Variants in KIRREL3 observed in about 807,000 individuals in gnomAD.
KIRREL3 encodes the protein kirre like nephrin family adhesion molecule 3, also known as kin of IRRE-like protein 3.
A neutral mutation model predicts 89.7 loss-of-function variants in KIRREL3; 36 were observed. That is an observed-to-expected ratio of 0.40 (90% CI 0.31 to 0.53). The LOEUF (loss-of-function observed/expected upper bound fraction) is 0.53, where lower values mean the gene tolerates loss of function less well. KIRREL3 is among the 20% of genes least tolerant of loss of function. The probability of loss-of-function intolerance (pLI) is 0.49; values close to 1 mark genes in which losing one functional copy is unlikely to be tolerated. For missense variants in KIRREL3, 864 were observed against 1,056.6 expected (o/e 0.82, Z 2.53); for synonymous variants, 445 against 441.4 (o/e 1.01, Z -0.10).
At position 126,525,393 on chromosome 11, in the gene KIRREL3, T is replaced by C. The variant is rs1958719404; in HGVS notation, c.283+1145A>G. ...TGGTTCCCATAACAGTTAAACTTTA[T>C]GGCAGCACAGTATATTTTGGAGATG... On this transcript the variant is annotated intron_variant, in intron 3 of 16. Transcript: ENST00000525144. This position sits in a 1 kb window ranked among gnomAD's most constrained non-coding sequence, Gnocchi z 5.4. Among the ~76,000 whole-genome samples, 1 of 152,230 alleles carries C rather than the reference T, an allele frequency of 6.6e-6. No homozygotes were observed. The highest frequency in any genetic ancestry group is 6.5e-5 in the Admixed American group (1 of 15,278).
intron 1 of KIRREL3, among the ~76,000 whole-genome samples, chr11:126,920,721 T>C (rs1404183626): frequency 2.0e-5 from 3 of 152,208 alleles, no homozygotes; most frequent in Non-Finnish European, 4.4e-5. Context: ...AATCACTTTT[T>C]TCCCCAACCA....
Position 126,945,777 on chromosome 11 carries a change from G to A in KIRREL3, c.55+54678C>T, listed in dbSNP as rs535468239. On this transcript the variant is annotated intron_variant, in intron 1 of 16. Transcript: ENST00000525144. ...TAACGTTGACAACAATAAGCATGTT[G>A]ACGGTTATAAAGTCTGCGTTTTCCA... Among the ~76,000 whole-genome samples, 14 of 152,278 alleles carry A rather than the reference G, an allele frequency of 9.2e-5. No individual in the cohort carries two copies. In the South Asian group the frequency reaches 2.7e-3, roughly 29 times the overall value.
rs1198346307 is a variant in KIRREL3 at position 126,860,672 on chromosome 11, T to TG, written c.55+139782dup. 1.3e-5 allele frequency among the ~76,000 whole-genome samples: 2 copies of TG among 152,174 alleles called. No individual in the cohort carries two copies. The highest frequency in any genetic ancestry group is 6.5e-5 in the Admixed American group (1 of 15,300). On this transcript the variant is annotated intron_variant, in intron 1 of 16. Transcript: ENST00000525144. This position sits in a 1 kb window ranked among gnomAD's most constrained non-coding sequence, Gnocchi z 4.6. The stretch of plus-strand genomic sequence containing the variant: ...AAGGTTTCTAGACAGAAGAATGGCT[T>TG]GGGGGGCTGTGTGTTTGAGAGACTT...
rs756247407 is a variant in KIRREL3 at position 126,551,332 on chromosome 11, G to A, written c.133+11503C>T. ...AAGTGGTGAAAGGTTAGAGTCCTGCGATGGGGCAGGGGAAAGGAGGGCCGG... is the reference window on the plus strand; with the variant it reads ...AAGTGGTGAAAGGTTAGAGTCCTGCAATGGGGCAGGGGAAAGGAGGGCCGG... On this transcript the variant is annotated intron_variant, in intron 2 of 16. Coordinates refer to ENST00000525144, the MANE Select transcript of KIRREL3 (RefSeq NM_032531.4). The surrounding 1 kb of genome is among the most constrained non-coding windows in gnomAD (Gnocchi z 4.9). Among the ~76,000 whole-genome samples the A allele has an allele frequency of 2.0e-5, 3 of 152,218 alleles. No homozygotes were observed. Among genetic ancestry groups the A allele is most frequent in the East Asian group, 1.9e-4 (1 of 5,156 alleles).
At chr11:126,810,710 C>A (rs774574198) in intron 1 of KIRREL3, among the ~76,000 whole-genome samples, 1 of 152,102 alleles carries the variant, frequency 6.6e-6, no homozygotes, top group Non-Finnish European at 1.5e-5. Context: ...CAAGGAAAGG[C>A]GCAGAAATGG....
chr11:126,844,256 C>T lies in KIRREL3; in HGVS notation c.55+156199G>A, dbSNP rs964064605. The stretch of plus-strand genomic sequence containing the variant: ...AGAAGAGACAATACTGAGAAAACCC[C>T]GACCCAAATGCTAACTTTGGGTAAG... On this transcript the variant is annotated intron_variant, in intron 1 of 16. Transcript: ENST00000525144. The surrounding 1 kb of genome is among the most constrained non-coding windows in gnomAD (Gnocchi z 4.8). Among the ~76,000 whole-genome samples the T allele has an allele frequency of 3.3e-5, 5 of 151,936 alleles. No homozygotes were observed. The highest frequency in any genetic ancestry group is 5.9e-5 in the Non-Finnish European group (4 of 68,014).
At position 126,485,218 on chromosome 11, in the gene KIRREL3, C is replaced by A. The variant is rs1172841920; in HGVS notation, c.434-11752G>T. On this transcript the variant is annotated intron_variant, in intron 4 of 16. Coordinates refer to ENST00000525144, the MANE Select transcript of KIRREL3 (RefSeq NM_032531.4). The surrounding 1 kb of genome is among the most constrained non-coding windows in gnomAD (Gnocchi z 5.8). ...GTTGGGGACAGAGAGAAAAGAGGAA[C>A]AAGGAGCAAGACGCAGGTTTAGGAT... Among the ~76,000 whole-genome samples the A allele has an allele frequency of 6.6e-6, 1 of 152,150 alleles. No individual in the cohort carries two copies. Among genetic ancestry groups the A allele is most frequent in the Non-Finnish European group, 1.5e-5 (1 of 68,022 alleles).
In KIRREL3 at chr11:126,869,250, G is replaced by A. The variant is rs571324192; in HGVS notation, c.55+131205C>T. On this transcript the variant is annotated intron_variant, in intron 1 of 16. Transcript: ENST00000525144. ...CCCTCAGCCAATGACAGAGGGAGGTGGGGGAATGAACACCCGGCTTCCTTG... is the reference window on the plus strand; with the variant it reads ...CCCTCAGCCAATGACAGAGGGAGGTAGGGGAATGAACACCCGGCTTCCTTG... Among the ~76,000 whole-genome samples, 3 of 151,806 alleles carry A rather than the reference G, an allele frequency of 2.0e-5. No individual in the cohort carries two copies. In the South Asian group the frequency reaches 6.3e-4, roughly 32 times the overall value.
At position 126,979,677 on chromosome 11, in the gene KIRREL3, G is replaced by C. The variant is rs111485509; in HGVS notation, c.55+20778C>G. The stretch of plus-strand genomic sequence containing the variant: ...AACCTCACTAAGACTCAGTTTCCTC[G>C]TCAGCAAAATAGAAATAAGGGTGTT... On this transcript the variant is annotated intron_variant, in intron 1 of 16. Coordinates refer to ENST00000525144, the MANE Select transcript of KIRREL3 (RefSeq NM_032531.4). 2.0e-5 allele frequency among the ~76,000 whole-genome samples: 3 copies of C among 152,260 alleles called. No homozygotes were observed. The South Asian group carries it at 6.2e-4, about 32-fold the overall frequency.
chr11:126,868,306 G>A (rs1453827015), intron 1 of KIRREL3, among the ~76,000 whole-genome samples: 2 of 152,196 alleles, frequency 1.3e-5, no homozygotes, highest in South Asian at 2.1e-4. Flanking sequence ...GCTTGGCTGT[G>A]TGGGGCAGAG....
At chr11:126,923,093 CT>C (rs1947421791) in intron 1 of KIRREL3, among the ~76,000 whole-genome samples, 1 of 122,532 alleles carries the variant, frequency 8.2e-6, no homozygotes, top group African/African-American at 3.8e-5. Context: ...GGATCTTCTT[CT>C]TCTTCTTCTC....
intron 1 of KIRREL3, among the ~76,000 whole-genome samples, chr11:126,938,378 CA>C (rs1948295914): frequency 6.6e-6 from 1 of 152,168 alleles, no homozygotes; most frequent in Non-Finnish European, 1.5e-5. Context: ...CTAATTCTTA[CA>C]ACTCTGCAGG....
chr11:126,965,333 A>G lies in KIRREL3; in HGVS notation c.55+35122T>C, dbSNP rs1019121886. 8.5e-5 allele frequency among the ~76,000 whole-genome samples: 13 copies of G among 152,230 alleles called. No individual in the cohort carries two copies. The highest frequency in any genetic ancestry group is 2.4e-4 in the African/African-American group (10 of 41,468). The stretch of plus-strand genomic sequence containing the variant: ...CAGAGATGCTTTTCGGCATTTACCC[A>G]TGATAAACTCTACCTTTGGACATCG... On this transcript the variant is annotated intron_variant, in intron 1 of 16. Coordinates refer to ENST00000525144, the MANE Select transcript of KIRREL3 (RefSeq NM_032531.4). This position sits in a 1 kb window ranked among gnomAD's most constrained non-coding sequence, Gnocchi z 4.4.
chr11:126,888,066 G>A (rs1212407162), intron 1 of KIRREL3, among the ~76,000 whole-genome samples: 1 of 152,178 alleles, frequency 6.6e-6, no homozygotes, highest in Non-Finnish European at 1.5e-5. Flanking sequence ...CAGTATCAAG[G>A]GGAGGACTGA....
Position 126,931,274 on chromosome 11 carries a change from T to A in KIRREL3, c.55+69181A>T, listed in dbSNP as rs78327142. Among the ~76,000 whole-genome samples, 2,942 of 152,320 alleles carry A rather than the reference T, an allele frequency of 0.019. 107 individuals are homozygous for A. The highest frequency in any genetic ancestry group is 0.14 in the East Asian group (699 of 5,174). Reference sequence around the variant, plus strand: ...CTATCGCAGTGTCTGGCACATAGGATGTACTGAAATCAAGATTGAATGAAT... The same window carrying A: ...CTATCGCAGTGTCTGGCACATAGGAAGTACTGAAATCAAGATTGAATGAAT... On this transcript the variant is annotated intron_variant, in intron 1 of 16. Coordinates refer to ENST00000525144, the MANE Select transcript of KIRREL3 (RefSeq NM_032531.4). This position sits in a 1 kb window ranked among gnomAD's most constrained non-coding sequence, Gnocchi z 5.1.
intron 1 of KIRREL3, among the ~76,000 whole-genome samples, chr11:126,819,671 A>G (rs1943140241): frequency 6.6e-6 from 1 of 152,248 alleles, no homozygotes. Context: ...TCACATACAC[A>G]TCGGTGAGCA....
intron 4 of KIRREL3, among the ~76,000 whole-genome samples, chr11:126,507,321 A>T (rs7944161): frequency 0.1 from 15,970 of 152,188 alleles, 982 homozygotes; most frequent in African/African-American, 0.16. Context: ...TTGTACACTT[A>T]AAATGGATGA....
At position 126,981,846 on chromosome 11, in the gene KIRREL3, A is replaced by T. The variant is rs529790401; in HGVS notation, c.55+18609T>A. Among the ~76,000 whole-genome samples, 4 of 152,338 alleles carry T rather than the reference A, an allele frequency of 2.6e-5. No individual in the cohort carries two copies. The highest frequency in any genetic ancestry group is 2.1e-4 in the South Asian group (1 of 4,830). On this transcript the variant is annotated intron_variant, in intron 1 of 16. Coordinates refer to ENST00000525144, the MANE Select transcript of KIRREL3 (RefSeq NM_032531.4). This position sits in a 1 kb window ranked among gnomAD's most constrained non-coding sequence, Gnocchi z 4.2. ...CTGGAGGAGCCATCTGAGCTTCTGT[A>T]GCACACACTCCCTTGCTTGGGGGCT... is the stretch of plus-strand genomic sequence containing the variant.
rs543291059 is a variant in KIRREL3 at position 126,904,352 on chromosome 11, C to T, written c.55+96103G>A. ...AACTCATGATTATTTGCTATTTTGC[C>T]ATTGCTAGTTAAATTGGGTCTTGAT... On this transcript the variant is annotated intron_variant, in intron 1 of 16. Coordinates refer to ENST00000525144, the MANE Select transcript of KIRREL3 (RefSeq NM_032531.4). The surrounding 1 kb of genome is among the most constrained non-coding windows in gnomAD (Gnocchi z 4.4). 1.1e-4 allele frequency among the ~76,000 whole-genome samples: 17 copies of T among 152,240 alleles called. No individual in the cohort carries two copies. Among genetic ancestry groups the T allele is most frequent in the Non-Finnish European group, 1.5e-4 (10 of 68,024 alleles).
Sources: allele counts gnomAD v4.1 joint callset (sites outside exome capture counted in the v4.1 genomes callset), GRCh38; gene constraint gnomAD v4.1.1; non-coding constraint Gnocchi (gnomAD v3.1); transcripts MANE v1.5; gene names NCBI Gene and HGNC (gene_info 2026-07-23, HGNC 2026-07-21).